DCUN1D4: variants seen among roughly 807,000 people sequenced by gnomAD.
DCUN1D4 encodes the protein DCN1-like protein 4.
Under a neutral mutation model 47.9 loss-of-function variants are expected in DCUN1D4, and 22 were observed. That is an observed-to-expected ratio of 0.46 (90% CI 0.33 to 0.66). DCUN1D4 has a LOEUF of 0.66. DCUN1D4 is among the 30% of genes least tolerant of loss of function. The probability of loss-of-function intolerance (pLI) is 0.02; values close to 1 mark genes in which losing one functional copy is unlikely to be tolerated. For missense variants in DCUN1D4, 301 were observed against 340.8 expected (o/e 0.88, Z 0.92); for synonymous variants, 121 against 112.2 (o/e 1.08, Z -0.50).
At chr4:51,884,076 G>C (rs963544299) in intron 5 of DCUN1D4, among the ~76,000 whole-genome samples, 28 of 151,678 alleles carry the variant, frequency 1.8e-4, no homozygotes, top group African/African-American at 6.0e-4. Context: ...CCAGAAAAAA[G>C]TAACAGATTT....
chr4:51,869,839 C>T (rs1726594231), intron 3 of DCUN1D4, among the ~76,000 whole-genome samples: 1 of 152,136 alleles, frequency 6.6e-6, no homozygotes, highest in Non-Finnish European at 1.5e-5. Flanking sequence ...AAGCTCTATT[C>T]ATTGACTGAT....
chr4:51,888,570 G>A (rs1360856253), intron 6 of DCUN1D4, among the ~76,000 whole-genome samples: 2 of 151,288 alleles, frequency 1.3e-5, no homozygotes, highest in Non-Finnish European at 1.5e-5. Flanking sequence ...GCGAAACCCC[G>A]TCTCTATTAA....
chr4:51,853,968 C>T (rs904663763), intron 1 of DCUN1D4, among the ~76,000 whole-genome samples: 2 of 152,196 alleles, frequency 1.3e-5, no homozygotes, highest in Non-Finnish European at 1.5e-5. Context: ...ATTTAATCCA[C>T]ACGATATCCT....
At chr4:51,844,937 T>C in intron 1 of DCUN1D4, 2 of 985,422 alleles carry the variant, frequency 2.0e-6, no homozygotes, top group Non-Finnish European at 2.4e-6. Context: ...CGGGAGGCGG[T>C]TGAGTTCCCA....
chr4:51,859,228 T>C (rs1363514722), intron 1 of DCUN1D4, among the ~76,000 whole-genome samples: 3 of 152,182 alleles, frequency 2.0e-5, no homozygotes, highest in Admixed American at 2.0e-4. Context: ...TCTTTACGTG[T>C]ATATCTTTCA....
chr4:51,913,835 G>A lies in DCUN1D4; in HGVS notation c.*251G>A. On this transcript the variant is annotated 3_prime_UTR_variant, in exon 11 of 11. Coordinates refer to ENST00000334635, the MANE Select transcript of DCUN1D4 (RefSeq NM_001040402.3). The stretch of plus-strand genomic sequence containing the variant: ...TTGCCAACGTCCTCACTGTGATTAT[G>A]TGTATATTGCTGTTTAAATTTTGTA... 1 of 435,962 alleles carries A rather than the reference G, an allele frequency of 2.3e-6. No individual in the cohort carries two copies. Among genetic ancestry groups the A allele is most frequent in the East Asian group, 3.4e-5 (1 of 29,298 alleles). 27.0% of individuals were successfully genotyped at this position (435,962 alleles called of 1,614,324 possible).
intron 1 of DCUN1D4, among the ~76,000 whole-genome samples, chr4:51,845,795 T>C (rs939771432): frequency 7.9e-5 from 12 of 152,272 alleles, no homozygotes; most frequent in Admixed American, 1.3e-4. Flanking sequence ...ACAAACATAC[T>C]GAACTTGGAT....
intron 3 of DCUN1D4, among the ~76,000 whole-genome samples, chr4:51,868,786 T>C (rs1310673496): frequency 1.3e-5 from 2 of 152,164 alleles, no homozygotes; most frequent in Non-Finnish European, 2.9e-5. Flanking sequence ...AATTAGTGGC[T>C]AATCTTGGAG....
chr4:51,892,515 A>G (rs1268566239), intron 7 of DCUN1D4, among the ~76,000 whole-genome samples: 1 of 152,186 alleles, frequency 6.6e-6, no homozygotes, highest in Non-Finnish European at 1.5e-5. Flanking sequence ...AAAATATTTG[A>G]TATCTCTATA....
intron 7 of DCUN1D4, among the ~76,000 whole-genome samples, chr4:51,893,711 C>A (rs1185347098): frequency 6.6e-6 from 1 of 152,176 alleles, no homozygotes; most frequent in Non-Finnish European, 1.5e-5. Flanking sequence ...CGTAAGCCAC[C>A]GTGCCTGACC....
chr4:51,912,414 T>A (rs1733841958), intron 9 of DCUN1D4, among the ~76,000 whole-genome samples: 1 of 152,190 alleles, frequency 6.6e-6, no homozygotes, highest in Non-Finnish European at 1.5e-5. Context: ...TCTCTTACAT[T>A]AGTTTGCATT....
chr4:51,877,058 T>C (rs1404869188), intron 4 of DCUN1D4, among the ~76,000 whole-genome samples: 1 of 152,106 alleles, frequency 6.6e-6, no homozygotes, highest in African/African-American at 2.4e-5. Flanking sequence ...TTGTGGAAGG[T>C]CACAGTTGCA....
At chr4:51,889,607 TAAC>T (rs1457008323) in intron 6 of DCUN1D4, among the ~76,000 whole-genome samples, 4 of 152,196 alleles carry the variant, frequency 2.6e-5, no homozygotes, top group African/African-American at 4.8e-5. Context: ...TTTTTTAACT[TAAC>T]AAGTGTTTAT....
rs548440365 is a variant in DCUN1D4 at position 51,866,570 on chromosome 4, G to A, written c.136+2861G>A. Reference sequence around the variant, plus strand: ...GGGTATTTTATAATACGTTCCTTCAGCCTCCTGTTGATTTATGTACACTTA... The same window carrying A: ...GGGTATTTTATAATACGTTCCTTCAACCTCCTGTTGATTTATGTACACTTA... On this transcript the variant is annotated intron_variant, in intron 3 of 10. Coordinates refer to ENST00000334635, the MANE Select transcript of DCUN1D4 (RefSeq NM_001040402.3). Among the ~76,000 whole-genome samples the A allele has an allele frequency of 2.4e-4, 36 of 152,018 alleles. No homozygotes were observed. In the South Asian group the frequency reaches 6.8e-3, roughly 29 times the overall value.
intron 1 of DCUN1D4, chr4:51,848,357 A>G: frequency 7.9e-7 from 1 of 1,260,750 alleles, no homozygotes; most frequent in Non-Finnish European, 1.0e-6. Flanking sequence ...AGGTTAAGGC[A>G]GCATTAACAG....
At chr4:51,844,550 C>G (rs1233402426) in intron 1 of DCUN1D4, among the ~76,000 whole-genome samples, 1 of 151,746 alleles carries the variant, frequency 6.6e-6, no homozygotes, top group Non-Finnish European at 1.5e-5. Context: ...CCTGGCAGTC[C>G]GTGGGTTTGA....
Position 51,843,183 on chromosome 4 carries a change from G to A in DCUN1D4, c.-60G>A. 1 of 1,535,734 alleles carries A rather than the reference G, an allele frequency of 6.5e-7. No homozygotes were observed. Among genetic ancestry groups the A allele is most frequent in the Non-Finnish European group, 8.8e-7 (1 of 1,141,876 alleles). On this transcript the variant is annotated 5_prime_UTR_variant, in exon 1 of 11. Coordinates refer to ENST00000334635, the MANE Select transcript of DCUN1D4 (RefSeq NM_001040402.3). ...CGAGCCGAGGTGCAGTGAGCTGGTG[G>A]GGGGACCGCGAGGCGAGCGCGGGAG...
At chr4:51,846,290 G>T (rs577292046) in intron 1 of DCUN1D4, among the ~76,000 whole-genome samples, 9 of 152,164 alleles carry the variant, frequency 5.9e-5, no homozygotes, top group East Asian at 5.8e-4. Context: ...TTTCTTACAC[G>T]TTATCCAGAA....
chr4:51,844,424 A>T, intron 1 of DCUN1D4: 1 of 979,498 alleles, frequency 1.0e-6, no homozygotes, highest in Middle Eastern at 5.3e-4. Context: ...GGGCTCCGGC[A>T]GCGGGACTAG....
Sources: gnomAD v4.1 joint callset for allele counts (sites outside exome capture counted in the v4.1 genomes callset) on GRCh38, gnomAD v4.1.1 for gene constraint, MANE v1.5 for transcripts, NCBI Gene and HGNC (gene_info 2026-07-23, HGNC 2026-07-21) for gene names.